PRH1: variants seen among roughly 807,000 people sequenced by gnomAD.
PRH1 encodes the protein salivary acidic proline-rich phosphoprotein 1/2.
In PRH1, 7 loss-of-function variants were observed where a neutral mutation model predicts 7.9. The ratio of observed to expected loss-of-function variants is 0.89; its 90% CI spans 0.50 to 1.67. The LOEUF (loss-of-function observed/expected upper bound fraction) is 1.67, where lower values mean the gene tolerates loss of function less well. Ranked by LOEUF, PRH1 falls within the 40% of genes most tolerant of loss-of-function variation. PRH1 has a pLI of 0.00. For synonymous variants in PRH1, 45 were observed against 80.8 expected (o/e 0.56, Z 2.38); for missense variants, 109 against 223.6 (o/e 0.49, Z 3.27).
At chr12:10,918,412 A>T (rs1950002271) in intron 2 of PRH1, among the ~76,000 whole-genome samples, 1 of 152,124 alleles carries the variant, frequency 6.6e-6, no homozygotes, top group Non-Finnish European at 1.5e-5. Flanking sequence ...GATCCACATG[A>T]TCAAAAATGC....
upstream of PRH1, among the ~76,000 whole-genome samples, chr12:10,887,321 T>C (rs1402187577): frequency 6.6e-6 from 1 of 152,200 alleles, no homozygotes; most frequent in Non-Finnish European, 1.5e-5. Context: ...AGAATTATTC[T>C]ATTAATTGCA....
At chr12:10,937,095 A>G (rs1320191087) in intron 2 of PRH1, among the ~76,000 whole-genome samples, 1 of 151,902 alleles carries the variant, frequency 6.6e-6, no homozygotes, top group Non-Finnish European at 1.5e-5. Context: ...CTTTGACACA[A>G]TTTTTCATGT....
intron 1 of PRH1, among the ~76,000 whole-genome samples, chr12:10,992,909 G>C (rs1244692722): frequency 6.6e-6 from 1 of 152,200 alleles, no homozygotes; most frequent in Admixed American, 6.5e-5. Context: ...GGACCAAAAA[G>C]AGTCCTCGGT....
In PRH1 at chr12:11,157,978, T is replaced by C. The variant is rs117236999; in HGVS notation, n.39+13444A>G. 2.2e-3 allele frequency among the ~76,000 whole-genome samples: 341 copies of C among 152,304 alleles called. 1 individual carries two copies. The East Asian group carries it at 0.046, about 21-fold the overall frequency. ...CTATGGCCTTATCATTCTTACACCA[T>C]TCTCTGCATCAGGGCTTAACCTGGA... On this transcript the variant is annotated intron_variant and non_coding_transcript_variant, in intron 1 of 1. Coordinates refer to the PRH1 transcript ENST00000541175.
At chr12:10,882,047 C>G (rs1305843903) in intron 3 of PRH1, among the ~76,000 whole-genome samples, 170 bp downstream of exon 3, 2 of 152,212 alleles carry the variant, frequency 1.3e-5, no homozygotes, top group East Asian at 1.9e-4. Context: ...CTGTAAAACA[C>G]AGGGTCACAG....
chr12:10,980,419 C>T (rs1437377010), intron 1 of PRH1, among the ~76,000 whole-genome samples: 1 of 152,122 alleles, frequency 6.6e-6, no homozygotes, highest in Non-Finnish European at 1.5e-5. Flanking sequence ...GAGTCACTAT[C>T]ACTCTGAATA....
intron 3 of PRH1, among the ~76,000 whole-genome samples, chr12:10,881,777 T>C (rs1309652833): frequency 1.3e-5 from 2 of 152,148 alleles, no homozygotes; most frequent in Non-Finnish European, 2.9e-5. Context: ...TAAATGTAAG[T>C]ATACTAAAAA....
intron 1 of PRH1, among the ~76,000 whole-genome samples, chr12:11,072,291 C>G (rs1237381817): frequency 6.6e-6 from 1 of 152,096 alleles, no homozygotes; most frequent in Non-Finnish European, 1.5e-5. Flanking sequence ...CAAGCCTGCA[C>G]TGGGAGTTTT....
In PRH1 at chr12:11,096,879, G is replaced by A. The variant is rs566032160; in HGVS notation, n.124-49691C>T. On this transcript the variant is annotated intron_variant and non_coding_transcript_variant, in intron 1 of 4. Transcript: ENST00000541977. ...GCGGCGCGATCTCGGCTCACTGCAA[G>A]CTCTGTCCCCGGGGTTCACGCCATT... Among the ~76,000 whole-genome samples, 5 of 114,258 alleles carry A rather than the reference G, an allele frequency of 4.4e-5. 1 individual carries two copies. The East Asian group carries it at 8.5e-4, about 20-fold the overall frequency. The allele number at this position is 114,258 out of a possible 152,430, so 75.0% of individuals were successfully genotyped here.
chr12:11,128,119 A>C (rs147157717), intron 1 of PRH1, among the ~76,000 whole-genome samples: 2 of 151,244 alleles, frequency 1.3e-5, no homozygotes, highest in African/African-American at 2.4e-5. Flanking sequence ...TCAAAAAAAA[A>C]AAAAAGAAAA....
At chr12:10,889,495 CA>C (rs1949540518) in intron 2 of PRH1, among the ~76,000 whole-genome samples, 1 of 152,068 alleles carries the variant, frequency 6.6e-6, no homozygotes, top group Non-Finnish European at 1.5e-5. Flanking sequence ...GAATGGATTT[CA>C]TTGGTTGTAT....
At chr12:11,044,329 G>A (rs1418259861) in intron 1 of PRH1, among the ~76,000 whole-genome samples, 1 of 151,942 alleles carries the variant, frequency 6.6e-6, no homozygotes, top group Non-Finnish European at 1.5e-5. Context: ...AAACCATGAA[G>A]CTCCCATAAG....
At chr12:10,884,031 C>A in intron 1 of PRH1, 123 bp downstream of exon 1, 1 of 1,144,140 alleles carries the variant, frequency 8.7e-7, no homozygotes, top group Non-Finnish European at 1.3e-6. Context: ...TGATCCTCAG[C>A]ATGAGAACTC....
intron 1 of PRH1, chr12:11,166,343 T>C (rs997088333): frequency 1.1e-4 from 17 of 152,480 alleles, no homozygotes; most frequent in African/African-American, 4.1e-4. Flanking sequence ...TCCTTTCTGT[T>C]TAGCCAGCAT....
chr12:11,026,338 G>A (rs1941913206), intron 1 of PRH1, among the ~76,000 whole-genome samples: 1 of 152,000 alleles, frequency 6.6e-6, no homozygotes, highest in Non-Finnish European at 1.5e-5. Flanking sequence ...TGCAGGGGGA[G>A]TTTTTGAAGG....
chr12:10,981,812 C>T (rs1015495798), intron 1 of PRH1, among the ~76,000 whole-genome samples: 7 of 151,942 alleles, frequency 4.6e-5, no homozygotes, highest in African/African-American at 1.7e-4. Context: ...ATCCTCCTGC[C>T]TGAGTCTTCT....
intron 1 of PRH1, among the ~76,000 whole-genome samples, chr12:11,024,574 C>T (rs1245629223): frequency 6.6e-6 from 1 of 152,212 alleles, no homozygotes; most frequent in African/African-American, 2.4e-5. Context: ...CTGGAATCAA[C>T]ATTTTGTATC....
intron 1 of PRH1, among the ~76,000 whole-genome samples, chr12:11,063,994 G>T (rs1182001247): frequency 6.6e-6 from 1 of 151,916 alleles, no homozygotes; most frequent in Non-Finnish European, 1.5e-5. Flanking sequence ...TGCACACTTA[G>T]AAATGAACCA....
chr12:10,977,646 T>C (rs1939165912), intron 1 of PRH1, among the ~76,000 whole-genome samples: 1 of 152,184 alleles, frequency 6.6e-6, no homozygotes, highest in Non-Finnish European at 1.5e-5. Context: ...TGTAATCCTA[T>C]ACCTAGAAAT....
Sources: gnomAD v4.1 joint callset for allele counts (sites outside exome capture counted in the v4.1 genomes callset) on GRCh38, gnomAD v4.1.1 for gene constraint, MANE v1.5 for transcripts, NCBI Gene and HGNC (gene_info 2026-07-23, HGNC 2026-07-21) for gene names.